The following CCDC149 variants were observed in gnomAD, a reference collection of about 807,000 sequenced individuals.
CCDC149 encodes the protein coiled-coil domain-containing protein 149.
Under a neutral mutation model 59.9 loss-of-function variants are expected in CCDC149, and 45 were observed. That is an observed-to-expected ratio of 0.75 (90% CI 0.59 to 0.96). CCDC149 has a LOEUF of 0.96. CCDC149 is among the 40% of genes least tolerant of loss of function. The pLI is 0.00. For missense variants in CCDC149, 584 were observed against 664.7 expected, an observed-to-expected ratio of 0.88 and a Z score of 1.33; for synonymous variants, 245 against 260.6, an observed-to-expected ratio of 0.94 and a Z score of 0.58.
At chr4:24,938,814 G>C (rs1439759579) in intron 1 of CCDC149, among the ~76,000 whole-genome samples, 1 of 152,218 alleles carries the variant, frequency 6.6e-6, no homozygotes, top group Non-Finnish European at 1.5e-5. Context: ...AGCAGTCTGA[G>C]ATCAAACTGC....
chr4:24,970,231 C>G (rs1723918589), intron 1 of CCDC149, among the ~76,000 whole-genome samples: 1 of 152,234 alleles, frequency 6.6e-6, no homozygotes, highest in African/African-American at 2.4e-5. Context: ...CACACCTACA[C>G]TGAGATGACC....
At chr4:24,859,383 A>T (rs989413451) in intron 3 of CCDC149, among the ~76,000 whole-genome samples, 1 of 152,068 alleles carries the variant, frequency 6.6e-6, no homozygotes, top group Non-Finnish European at 1.5e-5. Flanking sequence ...TCAGAATGTA[A>T]CCCCCTTGAG....
At chr4:24,826,257 G>C (rs1193529961) in intron 9 of CCDC149, among the ~76,000 whole-genome samples, 1 of 152,184 alleles carries the variant, frequency 6.6e-6, no homozygotes, top group African/African-American at 2.4e-5. Flanking sequence ...ACCGTGCCCA[G>C]CCCAGTGAAG....
chr4:24,873,401 C>G (rs1719182058), intron 3 of CCDC149, among the ~76,000 whole-genome samples: 1 of 152,256 alleles, frequency 6.6e-6, no homozygotes. Flanking sequence ...GTAGGTAGCT[C>G]AAGTCCTGTA....
chr4:24,937,513 G>A (rs1722818850), intron 1 of CCDC149, among the ~76,000 whole-genome samples: 2 of 152,166 alleles, frequency 1.3e-5, no homozygotes, highest in Non-Finnish European at 2.9e-5. Context: ...TATCTCAAAG[G>A]CCTAGCTAAA....
At chr4:24,917,946 C>T (rs1722180780), upstream of CCDC149, among the ~76,000 whole-genome samples, 1 of 151,920 alleles carries the variant, frequency 6.6e-6, no homozygotes, top group Non-Finnish European at 1.5e-5. Context: ...GTTACTGCAC[C>T]CTGGACTTGG....
intron 1 of CCDC149, among the ~76,000 whole-genome samples, chr4:24,934,963 C>A (rs1267546534): frequency 1.3e-5 from 2 of 152,146 alleles, no homozygotes; most frequent in Non-Finnish European, 2.9e-5. Flanking sequence ...GTGATGAGAA[C>A]CTCTCATAGA....
At chr4:24,977,640 G>C (rs994991325) in intron 1 of CCDC149, among the ~76,000 whole-genome samples, 1 of 152,178 alleles carries the variant, frequency 6.6e-6, no homozygotes, top group African/African-American at 2.4e-5. Flanking sequence ...CCCAGCACTG[G>C]AGTCCAGCTC....
intron 1 of CCDC149, among the ~76,000 whole-genome samples, chr4:24,905,690 C>T (rs927385744): frequency 6.6e-6 from 1 of 152,208 alleles, no homozygotes; most frequent in Admixed American, 6.5e-5. Flanking sequence ...CCTGCCTTGG[C>T]CTCCCAAAAT....
upstream of CCDC149, among the ~76,000 whole-genome samples, chr4:24,917,985 G>A (rs1396361734): frequency 2.0e-5 from 3 of 151,954 alleles, no homozygotes; most frequent in Non-Finnish European, 4.4e-5. Flanking sequence ...GTCTGACTTG[G>A]GGGTCACTGG....
chr4:24,832,645 CT>C (rs746923380), intron 8 of CCDC149, among the ~76,000 whole-genome samples: 5 of 152,002 alleles, frequency 3.3e-5, no homozygotes, highest in Non-Finnish European at 7.4e-5. Context: ...AAAGTGTACA[CT>C]TTCAAAAAAT....
At chr4:24,937,561 T>C (rs1010671474) in intron 1 of CCDC149, among the ~76,000 whole-genome samples, 5 of 152,240 alleles carry the variant, frequency 3.3e-5, no homozygotes, top group African/African-American at 7.2e-5. Context: ...TAGTTAAGCA[T>C]GAGGCTCTGT....
chr4:24,951,668 G>C (rs2109355021), intron 1 of CCDC149, among the ~76,000 whole-genome samples: 1 of 152,252 alleles, frequency 6.6e-6, no homozygotes, highest in Middle Eastern at 3.4e-3. Flanking sequence ...CTGTGATAGT[G>C]ACTGTATTTA....
chr4:24,823,674 C>T (rs1219863877), intron 9 of CCDC149, among the ~76,000 whole-genome samples: 1 of 152,130 alleles, frequency 6.6e-6, no homozygotes, highest in Non-Finnish European at 1.5e-5. Context: ...ATGTATATTT[C>T]TACACATATA....
At chr4:24,878,773 C>T (rs4697488) in intron 1 of CCDC149, among the ~76,000 whole-genome samples, 63,883 of 152,122 alleles carry the variant, frequency 0.42, 14,601 homozygotes, top group Non-Finnish European at 0.52. Context: ...AGGTAAGCTC[C>T]GCGGGAACAT....
chr4:24,905,410 CGTGCGTGTGTGTGTGTGT>C lies in CCDC149; in HGVS notation c.63+7389_63+7406del, dbSNP rs1186020524. On this transcript the variant is annotated intron_variant, in intron 1 of 12. Coordinates refer to ENST00000635206, the MANE Select transcript of CCDC149 (RefSeq NM_001330643.2). ...ATATAGTCTTCTTTCTTTTTGCGTG[CGTGCGTGTGTGTGTGTGT>C]GTGTGTGTGTGTGTGTGTGTGTGTG... Among the ~76,000 whole-genome samples the C allele has an allele frequency of 2.5e-4, 23 of 93,820 alleles. No individual in the cohort carries two copies. The East Asian group carries it at 4.7e-3, about 19-fold the overall frequency. The allele number at this position is 93,820 out of a possible 152,430, so 61.5% of individuals were successfully genotyped here.
chr4:24,915,420 A>T (rs1047455574), upstream of CCDC149, among the ~76,000 whole-genome samples: 1 of 152,202 alleles, frequency 6.6e-6, no homozygotes, highest in Non-Finnish European at 1.5e-5. Flanking sequence ...GCCCTTCATG[A>T]TATACCACTG....
Position 24,807,775 on chromosome 4 carries a change from A to G in CCDC149, c.*614T>C, listed in dbSNP as rs942975899. Reference sequence around the variant, plus strand: ...ACCGGGGCTGTGGATTTCAACCCAGAAGCCCAAACTTCTCAGCCGGCTTAA... The same window carrying G: ...ACCGGGGCTGTGGATTTCAACCCAGGAGCCCAAACTTCTCAGCCGGCTTAA... On this transcript the variant is annotated 3_prime_UTR_variant, in exon 13 of 13. Coordinates refer to ENST00000635206, the MANE Select transcript of CCDC149 (RefSeq NM_001330643.2). 6.6e-6 allele frequency: 1 copy of G among 152,298 alleles called. No homozygotes were observed. The highest frequency in any genetic ancestry group is 2.4e-5 in the African/African-American group (1 of 41,446). 9.4% of individuals were successfully genotyped at this position (152,298 alleles called of 1,614,324 possible).
At chr4:24,804,044 G>C (rs914368557), downstream of CCDC149, among the ~76,000 whole-genome samples, 1 of 152,144 alleles carries the variant, frequency 6.6e-6, no homozygotes, top group Non-Finnish European at 1.5e-5. Flanking sequence ...GGAAAGAAGG[G>C]ACTACATTAA....
Sources: allele counts gnomAD v4.1 joint callset (sites outside exome capture counted in the v4.1 genomes callset), GRCh38; gene constraint gnomAD v4.1.1; transcripts MANE v1.5; gene names NCBI Gene and HGNC (gene_info 2026-07-23, HGNC 2026-07-21).